The following AKAP7 variants were observed in gnomAD, a reference collection of about 807,000 sequenced individuals.
The protein encoded by AKAP7 is A kinase (PRKA) anchor protein 7.
A neutral mutation model predicts 39.5 loss-of-function variants in AKAP7; 39 were observed. The observed-to-expected ratio is 0.99, with a 90% CI of 0.76 to 1.29. The LOEUF (loss-of-function observed/expected upper bound fraction) is 1.29, where lower values mean the gene tolerates loss of function less well. Among genes scored for constraint, AKAP7 ranks in the 50% most tolerant of loss-of-function variants. The pLI is 0.00. For synonymous variants in AKAP7, 140 were observed against 139.1 expected, an observed-to-expected ratio of 1.01 and a Z score of -0.05; for missense variants, 414 against 407.7, an observed-to-expected ratio of 1.02 and a Z score of -0.13.
At chr6:131,188,529 T>TTTG (rs138766439) in intron 5 of AKAP7, among the ~76,000 whole-genome samples, 5 of 151,968 alleles carry the variant, frequency 3.3e-5, no homozygotes, top group Admixed American at 2.0e-4. Flanking sequence ...ACACATTAGT[T>TTTG]TTGTTGTTGT....
intron 7 of AKAP7, among the ~76,000 whole-genome samples, chr6:131,233,652 G>A (rs943704687): frequency 6.6e-6 from 1 of 152,048 alleles, no homozygotes; most frequent in African/African-American, 2.4e-5. Flanking sequence ...AATCTTACTA[G>A]GAGTACACTA....
intron 7 of AKAP7, among the ~76,000 whole-genome samples, chr6:131,223,801 C>A (rs1041127467): frequency 6.6e-6 from 1 of 152,162 alleles, no homozygotes; most frequent in Non-Finnish European, 1.5e-5. Flanking sequence ...TATTACAGGA[C>A]TGGCATTATG....
At chr6:131,135,262 G>A (rs528936654), upstream of AKAP7, among the ~76,000 whole-genome samples, 2 of 152,344 alleles carry the variant, frequency 1.3e-5, no homozygotes, top group South Asian at 2.1e-4. Flanking sequence ...GCTGCGCCAC[G>A]GGAAATAAAT....
intron 7 of AKAP7, among the ~76,000 whole-genome samples, chr6:131,258,661 T>C (rs968870845): frequency 6.6e-6 from 1 of 152,226 alleles, no homozygotes; most frequent in Non-Finnish European, 1.5e-5. Flanking sequence ...CAAATAGTCA[T>C]AGACAAAAGC....
intron 7 of AKAP7, among the ~76,000 whole-genome samples, chr6:131,277,592 A>G (rs911133229): frequency 9.8e-5 from 15 of 152,364 alleles, no homozygotes; most frequent in African/African-American, 3.1e-4. Context: ...AGAAAAATAC[A>G]GCATAATTCT....
intron 7 of AKAP7, among the ~76,000 whole-genome samples, chr6:131,234,148 C>T (rs984269038): frequency 1.3e-5 from 2 of 152,166 alleles, no homozygotes; most frequent in African/African-American, 2.4e-5. Context: ...ATAAAGGCTT[C>T]TCCTTTACTT....
intron 1 of AKAP7, among the ~76,000 whole-genome samples, chr6:131,144,238 G>T (rs1351821273): frequency 6.6e-6 from 1 of 150,638 alleles, no homozygotes; most frequent in African/African-American, 2.4e-5. Flanking sequence ...CCACAAAACC[G>T]CCATTGTCAT....
At chr6:131,184,665 C>T in intron 5 of AKAP7, 1 of 772,294 alleles carries the variant, frequency 1.3e-6, no homozygotes. Context: ...TCTTTGAGTT[C>T]CCCAGGCAGA....
intron 4 of AKAP7, 60 bp from the exon 5 acceptor site, chr6:131,169,053 T>C: frequency 2.2e-6 from 3 of 1,390,544 alleles, no homozygotes; most frequent in Non-Finnish European, 3.0e-6. Flanking sequence ...TTGTATCTTA[T>C]TTGGTTTTGT....
intron 5 of AKAP7, among the ~76,000 whole-genome samples, chr6:131,192,697 G>C (rs1806535568): frequency 6.6e-6 from 1 of 152,022 alleles, no homozygotes; most frequent in Non-Finnish European, 1.5e-5. Context: ...TAACAACATT[G>C]ATTCTTCCAA....
rs527707043 is a variant in AKAP7, at chr6:131,245,440, T to G, written c.850+25632T>G. Among the ~76,000 whole-genome samples the G allele has an allele frequency of 1.1e-3, 154 of 142,868 alleles. 1 individual carries two copies. Among genetic ancestry groups the G allele is most frequent in the African/African-American group, 2.6e-3 (102 of 38,544 alleles). 93.7% of individuals were successfully genotyped at this position (142,868 alleles called of 152,430 possible). A position where few individuals can be genotyped will look rare whatever the true frequency, so the allele number is the denominator to read the frequency against. The stretch of plus-strand genomic sequence containing the variant: ...TTTTTTTTTGTTTTTTTGTTTTTGG[T>G]TTTTTTTTTTGTATTTTTAGTAGAG... On this transcript the variant is annotated intron_variant, in intron 7 of 7. Transcript: ENST00000431975.
At chr6:131,129,558 C>T in the AKAP7 span, among the ~76,000 whole-genome samples, 1 of 152,044 alleles carries the variant, frequency 6.6e-6, no homozygotes, top group Non-Finnish European at 1.5e-5. Flanking sequence ...CAACATGTTA[C>T]TTACATAAAA....
At chr6:131,131,384 C>T (rs955595748), upstream of AKAP7, among the ~76,000 whole-genome samples, 7 of 151,970 alleles carry the variant, frequency 4.6e-5, no homozygotes, top group African/African-American at 1.2e-4. Context: ...TTCAAGATGG[C>T]GCCACTCTTG....
intron 7 of AKAP7, among the ~76,000 whole-genome samples, chr6:131,233,308 C>T (rs1420135709): frequency 6.6e-6 from 1 of 152,140 alleles, no homozygotes; most frequent in Admixed American, 6.6e-5. Flanking sequence ...ACCAGAAGTT[C>T]CTACAATCAG....
At chr6:131,127,693 G>A in the AKAP7 span, among the ~76,000 whole-genome samples, 2 of 152,106 alleles carry the variant, frequency 1.3e-5, no homozygotes, top group African/African-American at 2.4e-5. Flanking sequence ...TAAAGTAATC[G>A]ATTTTCATTC....
intron 5 of AKAP7, among the ~76,000 whole-genome samples, chr6:131,178,977 ATCT>A (rs1804846102): frequency 6.6e-6 from 1 of 151,932 alleles, no homozygotes; most frequent in East Asian, 1.9e-4. Flanking sequence ...TCTGCCATAG[ATCT>A]TCTGAAAATG....
At chr6:131,199,400 C>T in intron 5 of AKAP7, 61 bp from the exon 6 acceptor site, 1 of 1,115,278 alleles carries the variant, frequency 9.0e-7, no homozygotes, top group Non-Finnish European at 1.3e-6. Flanking sequence ...TTTTTTTTTA[C>T]AGTTAAAAAG....
At chr6:131,279,014 A>G (rs1814980129) in intron 7 of AKAP7, among the ~76,000 whole-genome samples, 1 of 152,052 alleles carries the variant, frequency 6.6e-6, no homozygotes. Context: ...CAAATTTTGG[A>G]AAGCCTTGGC....
chr6:131,281,648 C>A lies in AKAP7; in HGVS notation c.969C>A (p.Asn323Lys). Reference sequence around the variant, plus strand: ...ATCTGGAGGAAACACAGAATAAAAACAAGCCGGGGGAGGGGAGCTCTGTGA... The same window carrying A: ...ATCTGGAGGAAACACAGAATAAAAAAAAGCCGGGGGAGGGGAGCTCTGTGA... ...QQYLEETQNKNKPGEGSSVKT... is the reference protein window; with the variant it reads ...QQYLEETQNKKKPGEGSSVKT... The change falls in exon 8 of 8, where the codon AAC (asparagine) becomes AAA (lysine). Residue 323 changes from asparagine to lysine, a missense_variant. Physicochemically the swap from Asn to Lys is moderately conservative, Grantham distance 94. Transcript: ENST00000431975. This position sits in a 1 kb window ranked among gnomAD's most constrained non-coding sequence, Gnocchi z 4.0. The A allele has an allele frequency of 2.5e-6, 4 of 1,613,590 alleles. No individual in the cohort carries two copies. Among genetic ancestry groups the A allele is most frequent in the Non-Finnish European group, 3.4e-6 (4 of 1,179,796 alleles).
Sources: allele counts gnomAD v4.1 joint callset (sites outside exome capture counted in the v4.1 genomes callset), GRCh38; gene constraint gnomAD v4.1.1; non-coding constraint Gnocchi (gnomAD v3.1); transcripts MANE v1.5; gene names NCBI Gene and HGNC (gene_info 2026-07-23, HGNC 2026-07-21).